The following PXYLP1 variants were observed in gnomAD, a reference collection of about 807,000 sequenced individuals.
PXYLP1 encodes acid phosphatase-like 2.
In PXYLP1, 17 loss-of-function variants were observed where a neutral mutation model predicts 37.9. That is an observed-to-expected ratio of 0.45 (90% CI 0.31 to 0.67). The LOEUF (loss-of-function observed/expected upper bound fraction) is 0.67. PXYLP1 is among the 30% of genes least tolerant of loss of function. PXYLP1 has a pLI of 0.07. For missense variants in PXYLP1, 511 were observed against 612.0 expected, an observed-to-expected ratio of 0.84 and a Z score of 1.74; for synonymous variants, 221 against 232.2, an observed-to-expected ratio of 0.95 and a Z score of 0.44.
rs148766263 is a variant in PXYLP1, at chr3:141,279,677, G to A, written c.365+173G>A. Among the ~76,000 whole-genome samples the A allele has an allele frequency of 2.4e-4, 36 of 152,338 alleles. No homozygotes were observed. In the East Asian group the frequency reaches 6.0e-3, roughly 25 times the overall value. Reference sequence around the variant, plus strand: ...GAAAAGATGGAGGCCCACAGAGGCGGGGACACCTGTTTGAAGCAACACAGC... The same window carrying A: ...GAAAAGATGGAGGCCCACAGAGGCGAGGACACCTGTTTGAAGCAACACAGC... On this transcript the variant is annotated intron_variant, in intron 4 of 5. Coordinates refer to ENST00000286353, the MANE Select transcript of PXYLP1 (RefSeq NM_001037172.3).
intron 1 of PXYLP1, among the ~76,000 whole-genome samples, chr3:141,248,563 A>ACG (rs1941025438): frequency 7.5e-6 from 1 of 132,586 alleles, no homozygotes; most frequent in Non-Finnish European, 1.6e-5. Context: ...ACACACGTGT[A>ACG]TATATATACA....
Position 141,292,505 on chromosome 3 carries a change from C to G in PXYLP1, c.743C>G (p.Pro248Arg), listed in dbSNP as rs779622834. The G allele has an allele frequency of 1.2e-6, 2 of 1,614,190 alleles. No individual in the cohort carries two copies. The highest frequency in any genetic ancestry group is 1.7e-6 in the Non-Finnish European group (2 of 1,180,038). ...ALFCSGSCYC[P>R]VRNQYLEKEQ... is the part of the protein sequence containing the mutation. ...TTCTGCTCTGGAAGCTGCTATTGCC[C>G]GGTAAGAAACCAGTATCTGGAAAAG... Residue 248 changes from proline to arginine, a missense_variant, in exon 6 of 6, where the codon CCG (proline) becomes CGG (arginine). Physicochemically the swap from Pro to Arg is moderately radical, Grantham distance 103 (BLOSUM62 -2). Transcript: ENST00000286353. The surrounding 1 kb of genome is among the most constrained non-coding windows in gnomAD (Gnocchi z 4.3).
chr3:141,246,432 G>T (rs6773280), intron 1 of PXYLP1, among the ~76,000 whole-genome samples: 6 of 152,254 alleles, frequency 3.9e-5, no homozygotes, highest in Admixed American at 2.0e-4. Flanking sequence ...GTGAGACAGG[G>T]TGCTAAACAA....
chr3:141,240,953 G>C (rs939621083), intron 1 of PXYLP1, among the ~76,000 whole-genome samples: 2 of 152,092 alleles, frequency 1.3e-5, no homozygotes, highest in African/African-American at 2.4e-5. Context: ...TCAGCAGTTG[G>C]AGGTTACCCC....
At chr3:141,232,521 G>T (rs998644537) in intron 1 of PXYLP1, 1 of 152,340 alleles carries the variant, frequency 6.6e-6, no homozygotes, top group Non-Finnish European at 1.5e-5. Context: ...ACGCCTCCGG[G>T]AGTCCCGGGC....
intron 1 of PXYLP1, among the ~76,000 whole-genome samples, chr3:141,233,995 G>C (rs1940597259): frequency 6.6e-6 from 1 of 152,074 alleles, no homozygotes; most frequent in Admixed American, 6.6e-5. Flanking sequence ...CACCTCTGTG[G>C]CCCCAGGTCC....
intron 2 of PXYLP1, among the ~76,000 whole-genome samples, chr3:141,272,492 G>A (rs1227709085): frequency 7.3e-6 from 1 of 136,628 alleles, no homozygotes; most frequent in Non-Finnish European, 1.5e-5. Context: ...CCCAAGTCTA[G>A]TTGATTAAGT....
intron 4 of PXYLP1, among the ~76,000 whole-genome samples, chr3:141,281,083 T>C (rs1204417415): frequency 1.3e-5 from 2 of 152,238 alleles, no homozygotes; most frequent in Admixed American, 1.3e-4. Context: ...GTAAATGCTT[T>C]TTTGCATTCA....
At chr3:141,256,047 AGT>A (rs1941255627) in intron 1 of PXYLP1, among the ~76,000 whole-genome samples, 1 of 152,196 alleles carries the variant, frequency 6.6e-6, no homozygotes, top group African/African-American at 2.4e-5. Context: ...GGGGCCAGTG[AGT>A]AGGGGAGGGG....
intron 1 of PXYLP1, among the ~76,000 whole-genome samples, chr3:141,232,892 A>G (rs1003916470): frequency 6.6e-6 from 1 of 152,116 alleles, no homozygotes; most frequent in African/African-American, 2.4e-5. Flanking sequence ...GTGGAAAGGC[A>G]AGGATCCTTT....
intron 2 of PXYLP1, among the ~76,000 whole-genome samples, chr3:141,266,058 C>A (rs1941503573): frequency 1.3e-5 from 2 of 152,178 alleles, no homozygotes; most frequent in Non-Finnish European, 2.9e-5. Context: ...ATGAGAGACC[C>A]TGTCAGAAGC....
At chr3:141,250,063 T>A (rs534830542) in intron 1 of PXYLP1, among the ~76,000 whole-genome samples, 1 of 152,314 alleles carries the variant, frequency 6.6e-6, no homozygotes, top group Non-Finnish European at 1.5e-5. Context: ...AATCTGCAGA[T>A]TATCAGCCTC....
At chr3:141,260,425 A>G (rs1348801545) in intron 2 of PXYLP1, among the ~76,000 whole-genome samples, 171 bp downstream of exon 2, 1 of 152,242 alleles carries the variant, frequency 6.6e-6, no homozygotes, top group Non-Finnish European at 1.5e-5. Flanking sequence ...ACCACCGAGC[A>G]GTGTTCTGTG....
chr3:141,290,345 G>C (rs534940722), intron 5 of PXYLP1, among the ~76,000 whole-genome samples: 34 of 152,258 alleles, frequency 2.2e-4, no homozygotes, highest in Non-Finnish European at 4.3e-4. Context: ...TGTAGCATGG[G>C]GAGGAGCCTG....
At chr3:141,234,582 C>T (rs766656834) in intron 1 of PXYLP1, among the ~76,000 whole-genome samples, 1 of 152,196 alleles carries the variant, frequency 6.6e-6, no homozygotes, top group Non-Finnish European at 1.5e-5. Context: ...ACATTTCTGG[C>T]ACTGTGGCTT....
At chr3:141,273,789 C>G (rs778313097) in intron 2 of PXYLP1, 10 of 984,904 alleles carry the variant, frequency 1.0e-5, no homozygotes, top group Non-Finnish European at 1.2e-5. Context: ...GGAAATTTGC[C>G]CTCCTACTTG....
intron 1 of PXYLP1, among the ~76,000 whole-genome samples, chr3:141,246,308 G>T (rs1940936970): frequency 6.6e-6 from 1 of 152,226 alleles, no homozygotes; most frequent in Non-Finnish European, 1.5e-5. Context: ...ATGTGGCTTA[G>T]GGTCAGTCGC....
chr3:141,287,292 ACTCT>A lies in PXYLP1; in HGVS notation c.366-17_366-14del, dbSNP rs762823418. On this transcript the variant is annotated intron_variant, in intron 4 of 5. Transcript: ENST00000286353. The stretch of plus-strand genomic sequence containing the variant: ...TTCTTGTGGAGCACTCTGACCTCTA[ACTCT>A]CTCTATCATCTCTCTAGGAAACCGT... The A allele has an allele frequency of 6.8e-6, 11 of 1,611,898 alleles. No individual in the cohort carries two copies. The highest frequency in any genetic ancestry group is 2.2e-5 in the East Asian group (1 of 44,798).
chr3:141,255,101 T>C (rs1277925764), intron 1 of PXYLP1, among the ~76,000 whole-genome samples: 3 of 152,238 alleles, frequency 2.0e-5, no homozygotes, highest in Admixed American at 6.5e-5. Context: ...CATAATGTAA[T>C]GGGAACTGCT....
Sources: allele counts gnomAD v4.1 joint callset (sites outside exome capture counted in the v4.1 genomes callset), GRCh38; gene constraint gnomAD v4.1.1; non-coding constraint Gnocchi (gnomAD v3.1); transcripts MANE v1.5; gene names NCBI Gene and HGNC (gene_info 2026-07-23, HGNC 2026-07-21).